The following LIMS1 variants were observed in gnomAD, a reference collection of about 807,000 sequenced individuals.
LIMS1 encodes the protein LIM zinc finger domain containing 1, also known as LIM and senescent cell antigen-like-containing domain protein 1.
Under a neutral mutation model 44.1 loss-of-function variants are expected in LIMS1, and 18 were observed. The observed-to-expected ratio is 0.41, with a 90% CI of 0.28 to 0.61. The LOEUF (loss-of-function observed/expected upper bound fraction) is 0.61. Ranked by LOEUF, LIMS1 falls within the 20% of genes least tolerant of loss-of-function variation. The pLI is 0.32. For missense variants in LIMS1, 201 were observed against 422.0 expected, an observed-to-expected ratio of 0.48 and a Z score of 4.59; for synonymous variants, 93 against 149.1, an observed-to-expected ratio of 0.62 and a Z score of 2.74.
intron 1 of LIMS1, among the ~76,000 whole-genome samples, chr2:108,648,612 A>G (rs1040532739): frequency 6.6e-6 from 1 of 152,242 alleles, no homozygotes; most frequent in African/African-American, 2.4e-5. Context: ...CAAAAACAGC[A>G]TGGTACTTAT....
chr2:108,569,404 G>A (rs185739865), intron 1 of LIMS1, among the ~76,000 whole-genome samples: 5 of 152,184 alleles, frequency 3.3e-5, no homozygotes, highest in South Asian at 2.1e-4. Flanking sequence ...TTGGGAAACC[G>A]TTGCCTAGTC....
chr2:108,560,427 C>G (rs1332937638), intron 1 of LIMS1, among the ~76,000 whole-genome samples: 1 of 152,066 alleles, frequency 6.6e-6, no homozygotes, highest in Non-Finnish European at 1.5e-5. Context: ...TCCCCTCATT[C>G]ATTCCCCTTT....
At chr2:108,557,258 G>A (rs1375545130) in intron 1 of LIMS1, among the ~76,000 whole-genome samples, 6 of 152,010 alleles carry the variant, frequency 3.9e-5, no homozygotes, top group African/African-American at 7.2e-5. Flanking sequence ...TTCATTTTTT[G>A]TAGAGACGGT....
intron 1 of LIMS1, among the ~76,000 whole-genome samples, chr2:108,596,507 T>C (rs1290875700): frequency 2.0e-5 from 3 of 152,302 alleles, no homozygotes; most frequent in Non-Finnish European, 4.4e-5. Flanking sequence ...CAGATTTTAC[T>C]TTCCCCATTA....
chr2:108,577,585 A>G (rs1685715947), intron 1 of LIMS1, among the ~76,000 whole-genome samples: 1 of 152,200 alleles, frequency 6.6e-6, no homozygotes, highest in African/African-American at 2.4e-5. Flanking sequence ...CAGAGTGGGT[A>G]AGGGTAGGTT....
intron 1 of LIMS1, among the ~76,000 whole-genome samples, chr2:108,606,446 C>T (rs771326941): frequency 2.0e-5 from 3 of 152,022 alleles, no homozygotes; most frequent in Non-Finnish European, 1.5e-5. Context: ...GGAAGGGGGG[C>T]GGATTTCAGT....
intron 1 of LIMS1, among the ~76,000 whole-genome samples, chr2:108,594,916 TA>T (rs146362873): frequency 1.1e-4 from 17 of 151,374 alleles, no homozygotes; most frequent in African/African-American, 3.6e-4. Flanking sequence ...AGACTCATCC[TA>T]AAAAAAAATC....
At chr2:108,637,863 ATTT>A (rs11312101) in intron 1 of LIMS1, among the ~76,000 whole-genome samples, 2 of 143,890 alleles carry the variant, frequency 1.4e-5, no homozygotes, top group Non-Finnish European at 1.5e-5. Flanking sequence ...AAATTTTAAG[ATTT>A]TTTTTTTTTT....
intron 1 of LIMS1, among the ~76,000 whole-genome samples, chr2:108,618,868 C>T (rs1375457600): frequency 1.3e-5 from 2 of 151,926 alleles, no homozygotes; most frequent in Non-Finnish European, 2.9e-5. Context: ...AAGGCCTTCC[C>T]CAAAGGCCCA....
In LIMS1 at chr2:108,677,671, G is replaced by A. The variant is rs891095470; in HGVS notation, c.775-308G>A. Among the ~76,000 whole-genome samples the A allele has an allele frequency of 3.3e-5, 5 of 152,262 alleles. No homozygotes were observed. The East Asian group carries it at 9.6e-4, about 29-fold the overall frequency. ...GTCTGGTCCTCAGCGCTCTGCCTGAGCAAGAACCCACCTCCTCTCCCGTCT... is the reference window on the plus strand; with the variant it reads ...GTCTGGTCCTCAGCGCTCTGCCTGAACAAGAACCCACCTCCTCTCCCGTCT... On this transcript the variant is annotated intron_variant, in intron 7 of 9. Coordinates refer to ENST00000544547, the Ensembl canonical transcript of LIMS1.
chr2:108,631,748 A>C (rs1398046464), intron 1 of LIMS1, among the ~76,000 whole-genome samples: 1 of 152,134 alleles, frequency 6.6e-6, no homozygotes, highest in Non-Finnish European at 1.5e-5. Context: ...TTGTCTGCAC[A>C]CGTGCCCTTT....
At chr2:108,657,929 G>A (rs1691024851) in intron 1 of LIMS1, 1 of 151,564 alleles carries the variant, frequency 6.6e-6, no homozygotes, top group Admixed American at 6.6e-5. Context: ...GGTGTGGAGG[G>A]GAGTGAAGCA....
At chr2:108,677,143 A>AT (rs1309337138) in intron 7 of LIMS1, among the ~76,000 whole-genome samples, 1 of 152,086 alleles carries the variant, frequency 6.6e-6, no homozygotes, top group African/African-American at 2.4e-5. Flanking sequence ...TCCTCACAGC[A>AT]TTTTTTCCAC....
At chr2:108,550,416 G>A (rs1573308329) in intron 1 of LIMS1, among the ~76,000 whole-genome samples, 1 of 151,774 alleles carries the variant, frequency 6.6e-6, no homozygotes, top group Middle Eastern at 3.4e-3. Context: ...GGAGAATAGC[G>A]TGAACCTGGG....
At chr2:108,638,513 G>C (rs1315006767) in intron 1 of LIMS1, among the ~76,000 whole-genome samples, 1 of 152,108 alleles carries the variant, frequency 6.6e-6, no homozygotes, top group African/African-American at 2.4e-5. Context: ...GGAGGCCAGG[G>C]CGAGCGGATC....
intron 1 of LIMS1, among the ~76,000 whole-genome samples, chr2:108,556,876 C>T (rs955864479): frequency 4.6e-5 from 7 of 152,202 alleles, no homozygotes; most frequent in African/African-American, 1.7e-4. Flanking sequence ...GCTGACCAAT[C>T]GTTACCTACT....
At chr2:108,607,466 T>C (rs925171224) in intron 1 of LIMS1, among the ~76,000 whole-genome samples, 2 of 152,216 alleles carry the variant, frequency 1.3e-5, no homozygotes, top group Admixed American at 1.3e-4. Flanking sequence ...AACCTGGATA[T>C]AACCAGAAAA....
At chr2:108,619,929 C>T (rs977295870) in intron 1 of LIMS1, among the ~76,000 whole-genome samples, 8 of 152,108 alleles carry the variant, frequency 5.3e-5, no homozygotes, top group Admixed American at 2.0e-4. Flanking sequence ...TGTATACCCT[C>T]CCGGAGACAG....
rs536973725 is a variant in LIMS1 at position 108,562,041 on chromosome 2, C to A, written c.32+27447C>A. ...ACAGGCATGAGCCACCATGCCCGGCCAGTGATCAGCAGTCTTTTATGTTAC... is the reference window on the plus strand; with the variant it reads ...ACAGGCATGAGCCACCATGCCCGGCAAGTGATCAGCAGTCTTTTATGTTAC... On this transcript the variant is annotated intron_variant, in intron 1 of 9. Coordinates refer to ENST00000544547, the Ensembl canonical transcript of LIMS1. Among the ~76,000 whole-genome samples, 50 of 152,214 alleles carry A rather than the reference C, an allele frequency of 3.3e-4. No homozygotes were observed. In the Middle Eastern group the frequency reaches 0.01, roughly 31 times the overall value.
Sources: gnomAD v4.1 joint callset for allele counts (sites outside exome capture counted in the v4.1 genomes callset) on GRCh38, gnomAD v4.1.1 for gene constraint, MANE v1.5 for transcripts, NCBI Gene and HGNC (gene_info 2026-07-23, HGNC 2026-07-21) for gene names.